The following NTNG1 variants were observed in gnomAD, a reference collection of about 807,000 sequenced individuals.
NTNG1 encodes netrin G1, also known as netrin-G1.
A neutral mutation model predicts 54.0 loss-of-function variants in NTNG1; 16 were observed. The ratio of observed to expected loss-of-function variants is 0.30; its 90% CI spans 0.20 to 0.45. The LOEUF (loss-of-function observed/expected upper bound fraction) is 0.45, where lower values mean the gene tolerates loss of function less well. NTNG1 is among the 20% of genes least tolerant of loss of function. The pLI, the probability that NTNG1 is intolerant of heterozygous loss-of-function variation, is 1.00. For missense variants in NTNG1, 530 were observed against 678.7 expected, an observed-to-expected ratio of 0.78 and a Z score of 2.43; for synonymous variants, 255 against 263.1, an observed-to-expected ratio of 0.97 and a Z score of 0.30.
intron 2 of NTNG1, among the ~76,000 whole-genome samples, chr1:107,233,677 C>A (rs910966444): frequency 6.6e-6 from 1 of 152,152 alleles, no homozygotes; most frequent in African/African-American, 2.4e-5. Flanking sequence ...AGATAGCTTT[C>A]AAATACAATG....
intron 2 of NTNG1, among the ~76,000 whole-genome samples, chr1:107,319,095 C>T (rs184910755): frequency 1.7e-4 from 26 of 152,266 alleles, no homozygotes; most frequent in African/African-American, 6.0e-4. Flanking sequence ...TGCCTCTCCC[C>T]AATGCCAGTA....
At chr1:107,420,454 C>G (rs903631648) in intron 5 of NTNG1, among the ~76,000 whole-genome samples, 15 of 152,010 alleles carry the variant, frequency 9.9e-5, no homozygotes, top group African/African-American at 3.6e-4. Context: ...AGCAACTCTT[C>G]ATGAATAATT....
chr1:107,440,740 A>C (rs1675913771), intron 7 of NTNG1, among the ~76,000 whole-genome samples: 1 of 152,178 alleles, frequency 6.6e-6, no homozygotes. Context: ...CAAGAAAGTG[A>C]AGCAAAGCTG....
At chr1:107,450,017 G>A (rs959660493) in intron 7 of NTNG1, among the ~76,000 whole-genome samples, 1 of 151,996 alleles carries the variant, frequency 6.6e-6, no homozygotes, top group Non-Finnish European at 1.5e-5. Context: ...ATGTATGACT[G>A]CTTTATTCCT....
intron 2 of NTNG1, among the ~76,000 whole-genome samples, chr1:107,188,431 T>G (rs1657640882): frequency 6.6e-6 from 1 of 152,158 alleles, no homozygotes. Flanking sequence ...TACCCCCTAT[T>G]ATGCACATTC....
intron 3 of NTNG1, among the ~76,000 whole-genome samples, chr1:107,390,444 T>G (rs1672291634): frequency 6.6e-6 from 1 of 152,150 alleles, no homozygotes; most frequent in Non-Finnish European, 1.5e-5. Flanking sequence ...TTTAAGAAGC[T>G]CTTGTTTTGG....
At chr1:107,154,057 A>G (rs543302371) in intron 2 of NTNG1, among the ~76,000 whole-genome samples, 65 of 152,140 alleles carry the variant, frequency 4.3e-4, no homozygotes, top group Non-Finnish European at 8.5e-4. Context: ...TGCAAAACCT[A>G]GTGGTGGTGG....
intron 1 of NTNG1, among the ~76,000 whole-genome samples, chr1:107,145,783 A>G (rs1654062353): frequency 6.6e-6 from 1 of 152,034 alleles, no homozygotes; most frequent in South Asian, 2.1e-4. Flanking sequence ...ACTCTTCTGC[A>G]TTTTTCCTTG....
At chr1:107,168,164 G>A (rs1016102759) in intron 2 of NTNG1, among the ~76,000 whole-genome samples, 3 of 151,628 alleles carry the variant, frequency 2.0e-5, no homozygotes, top group Admixed American at 6.6e-5. Flanking sequence ...CTCCCTCCCC[G>A]CATCCCCCTT....
At chr1:107,140,645 G>A (rs1302210188), upstream of NTNG1, among the ~76,000 whole-genome samples, 6 of 151,536 alleles carry the variant, frequency 4.0e-5, 1 homozygote, top group Admixed American at 2.6e-4. Flanking sequence ...TGCCCCTTCT[G>A]ACTAAGCTCA....
chr1:107,272,740 T>C (rs535719169), intron 2 of NTNG1, among the ~76,000 whole-genome samples: 8 of 152,336 alleles, frequency 5.3e-5, no homozygotes, highest in African/African-American at 1.9e-4. Context: ...TGAGGTTTAA[T>C]AGTGCTCTCT....
intron 2 of NTNG1, among the ~76,000 whole-genome samples, chr1:107,280,157 CT>C (rs59501395): frequency 6.5e-4 from 68 of 103,938 alleles, no homozygotes; most frequent in African/African-American, 2.4e-3. Flanking sequence ...CGGTGCTAAC[CT>C]TTTTTTTTTT....
At chr1:107,235,941 C>A (rs1282920391) in intron 2 of NTNG1, among the ~76,000 whole-genome samples, 3 of 152,050 alleles carry the variant, frequency 2.0e-5, no homozygotes, top group African/African-American at 7.3e-5. Flanking sequence ...TCACACTCTG[C>A]CCCCACACCA....
intron 3 of NTNG1, among the ~76,000 whole-genome samples, chr1:107,394,687 T>G (rs1046907803): frequency 6.6e-6 from 1 of 152,240 alleles, no homozygotes; most frequent in Admixed American, 6.5e-5. Context: ...GCAAATTATT[T>G]TAATGGTTAT....
intron 3 of NTNG1, among the ~76,000 whole-genome samples, chr1:107,385,503 C>T (rs549621127): frequency 1.3e-5 from 2 of 151,900 alleles, no homozygotes; most frequent in East Asian, 3.9e-4. Flanking sequence ...AGAACATAGT[C>T]ATATGGCCAC....
chr1:107,462,175 A>G (rs1445128051), intron 7 of NTNG1, among the ~76,000 whole-genome samples: 1 of 152,202 alleles, frequency 6.6e-6, no homozygotes, highest in East Asian at 1.9e-4. Flanking sequence ...TGCCACATGG[A>G]TGCCTTGTAA....
At chr1:107,210,349 A>T (rs977751161) in intron 2 of NTNG1, among the ~76,000 whole-genome samples, 1 of 152,212 alleles carries the variant, frequency 6.6e-6, no homozygotes, top group South Asian at 2.1e-4. Flanking sequence ...GTCAACAATG[A>T]TAAAGACTTG....
At chr1:107,235,995 T>G (rs554690977) in intron 2 of NTNG1, among the ~76,000 whole-genome samples, 3 of 152,170 alleles carry the variant, frequency 2.0e-5, no homozygotes, top group Non-Finnish European at 4.4e-5. Context: ...CTGAAAAAGC[T>G]GTAAGACACA....
intron 3 of NTNG1, among the ~76,000 whole-genome samples, chr1:107,392,049 G>A (rs1010697982): frequency 2.0e-5 from 3 of 152,148 alleles, no homozygotes; most frequent in African/African-American, 7.2e-5. Flanking sequence ...AAGGAAGAAT[G>A]GGTGAGGCAG....
Sources: gnomAD v4.1 joint callset for allele counts (sites outside exome capture counted in the v4.1 genomes callset) on GRCh38, gnomAD v4.1.1 for gene constraint, MANE v1.5 for transcripts, NCBI Gene and HGNC (gene_info 2026-07-23, HGNC 2026-07-21) for gene names.